Variants in GRM1 observed in about 807,000 individuals in gnomAD.
GRM1 encodes the protein metabotropic glutamate receptor 1.
GRM1 carries 33 observed loss-of-function variants against 90.9 expected under a neutral mutation model. That is an observed-to-expected ratio of 0.36 (90% CI 0.28 to 0.49). The LOEUF (loss-of-function observed/expected upper bound fraction) is 0.49, where lower values mean the gene tolerates loss of function less well. Among genes scored for constraint, GRM1 ranks in the 20% least tolerant of loss-of-function variants. The probability of loss-of-function intolerance (pLI) is 0.99; values close to 1 mark genes in which losing one functional copy is unlikely to be tolerated. For missense variants in GRM1, 1,190 were observed against 1,534.3 expected, an observed-to-expected ratio of 0.78 and a Z score of 3.75; for synonymous variants, 700 against 613.2, an observed-to-expected ratio of 1.14 and a Z score of -2.09.
At chr6:146,427,448 G>A (rs924465222) in intron 7 of GRM1, among the ~76,000 whole-genome samples, 4 of 152,092 alleles carry the variant, frequency 2.6e-5, no homozygotes, top group Admixed American at 2.6e-4. Context: ...CCTGCAGCAG[G>A]AGGGAGCCCA....
intron 1 of GRM1, among the ~76,000 whole-genome samples, chr6:146,149,269 T>C (rs1777227116): frequency 6.6e-6 from 1 of 152,196 alleles, no homozygotes; most frequent in Non-Finnish European, 1.5e-5. Flanking sequence ...GGACTTTCTT[T>C]GTGCAAGTGT....
chr6:146,093,978 A>G (rs931595479), intron 1 of GRM1, among the ~76,000 whole-genome samples: 1 of 152,108 alleles, frequency 6.6e-6, no homozygotes, highest in African/African-American at 2.4e-5. Flanking sequence ...GAGTTTGATA[A>G]TAAGTAAAAT....
At chr6:146,052,192 G>A (rs932031291) in intron 1 of GRM1, among the ~76,000 whole-genome samples, 1 of 151,970 alleles carries the variant, frequency 6.6e-6, no homozygotes, top group African/African-American at 2.4e-5. Context: ...ATTAGAGATT[G>A]GGAGCAATTT....
At chr6:146,036,727 G>A (rs1198730009) in intron 1 of GRM1, among the ~76,000 whole-genome samples, 2 of 151,576 alleles carry the variant, frequency 1.3e-5, no homozygotes, top group Admixed American at 6.6e-5. Context: ...AAATATTCAA[G>A]GCAATTATCT....
intron 1 of GRM1, among the ~76,000 whole-genome samples, chr6:146,132,005 C>A (rs1265132342): frequency 2.0e-5 from 3 of 152,102 alleles, no homozygotes; most frequent in Non-Finnish European, 4.4e-5. Context: ...AGTGAAGTCT[C>A]CCGGCAAGGA....
intron 6 of GRM1, among the ~76,000 whole-genome samples, chr6:146,390,291 G>T (rs558724534): frequency 2.2e-4 from 33 of 151,112 alleles, no homozygotes; most frequent in South Asian, 8.4e-4. Flanking sequence ...TTAAAATGTG[G>T]TTTTTTTTGG....
intron 2 of GRM1, among the ~76,000 whole-genome samples, chr6:146,293,289 A>G (rs1052277306): frequency 1.3e-5 from 2 of 152,036 alleles, no homozygotes; most frequent in South Asian, 2.1e-4. Flanking sequence ...CTTAAGTTTT[A>G]AAAATAATTG....
At chr6:146,117,549 T>G (rs1159375797) in intron 1 of GRM1, among the ~76,000 whole-genome samples, 1 of 152,212 alleles carries the variant, frequency 6.6e-6, no homozygotes, top group Admixed American at 6.5e-5. Flanking sequence ...ACTTCTATAT[T>G]TTATTTTCTT....
intron 2 of GRM1, among the ~76,000 whole-genome samples, chr6:146,232,670 C>G (rs1330407647): frequency 1.3e-5 from 2 of 152,008 alleles, no homozygotes; most frequent in African/African-American, 2.4e-5. Flanking sequence ...CACCTGCCCT[C>G]CAGCCCCCCA....
At chr6:146,371,886 C>T (rs1294617099) in intron 5 of GRM1, among the ~76,000 whole-genome samples, 2 of 152,004 alleles carry the variant, frequency 1.3e-5, no homozygotes, top group African/African-American at 4.8e-5. Context: ...TAGGTTGCTT[C>T]CAAATCTTAG....
intron 3 of GRM1, among the ~76,000 whole-genome samples, chr6:146,334,258 A>C (rs1353201010): frequency 6.6e-6 from 1 of 152,184 alleles, no homozygotes; most frequent in African/African-American, 2.4e-5. Flanking sequence ...CCTCTGGACT[A>C]GATGTCTGTA....
At chr6:146,075,256 C>A (rs1332267756) in intron 1 of GRM1, among the ~76,000 whole-genome samples, 2 of 152,174 alleles carry the variant, frequency 1.3e-5, no homozygotes, top group East Asian at 1.9e-4. Context: ...CCCAGTGTTA[C>A]ACTCTAAAAT....
chr6:146,306,194 C>T (rs985601662), intron 3 of GRM1, among the ~76,000 whole-genome samples: 1 of 152,176 alleles, frequency 6.6e-6, no homozygotes, highest in Non-Finnish European at 1.5e-5. Flanking sequence ...AAAGGGGAGA[C>T]ATTGCTAAAC....
intron 1 of GRM1, among the ~76,000 whole-genome samples, chr6:146,139,849 G>C (rs1776771354): frequency 6.6e-6 from 1 of 150,662 alleles, no homozygotes; most frequent in Non-Finnish European, 1.5e-5. Context: ...CTGCCATTTT[G>C]TTATTTGTTT....
rs1356331225 is a variant in GRM1, at chr6:146,125,788, G to A, written c.701-33560G>A. ...ATTCACTTACTCAGAATTCTTAGTA[G>A]TGGTCAATTATTTCTTCATTTTATC... On this transcript the variant is annotated intron_variant, in intron 1 of 7. Coordinates refer to ENST00000282753, the MANE Select transcript of GRM1 (RefSeq NM_001278064.2). 2.0e-5 allele frequency among the ~76,000 whole-genome samples: 3 copies of A among 152,014 alleles called. No individual in the cohort carries two copies. In the South Asian group the frequency reaches 6.2e-4, roughly 32 times the overall value.
chr6:146,215,459 T>C (rs1562534076), intron 2 of GRM1, among the ~76,000 whole-genome samples: 1 of 152,094 alleles, frequency 6.6e-6, no homozygotes, highest in South Asian at 2.1e-4. Flanking sequence ...TATAGCTGCC[T>C]CCCCAAAAAA....
chr6:146,203,914 G>C (rs1744406203), intron 2 of GRM1, among the ~76,000 whole-genome samples: 1 of 152,208 alleles, frequency 6.6e-6, no homozygotes, highest in Non-Finnish European at 1.5e-5. Context: ...CTTTGGGTAT[G>C]TGGATAGCAA....
chr6:146,138,238 T>C (rs1400987918), intron 1 of GRM1, among the ~76,000 whole-genome samples: 2 of 152,182 alleles, frequency 1.3e-5, no homozygotes, highest in East Asian at 3.8e-4. Context: ...GTGTTCTAGA[T>C]CTTAGGGGAA....
chr6:146,241,204 A>G (rs773839816), intron 2 of GRM1, among the ~76,000 whole-genome samples: 4 of 152,138 alleles, frequency 2.6e-5, no homozygotes, highest in African/African-American at 4.8e-5. Flanking sequence ...GAGGAAAGAT[A>G]CTGTCTACTT....
Sources: allele counts gnomAD v4.1 joint callset (sites outside exome capture counted in the v4.1 genomes callset), GRCh38; gene constraint gnomAD v4.1.1; transcripts MANE v1.5; gene names NCBI Gene and HGNC (gene_info 2026-07-23, HGNC 2026-07-21).